Variants in TFCP2 observed in about 807,000 individuals in gnomAD.
The protein encoded by TFCP2 is alpha-globin transcription factor CP2.
In TFCP2, 33 loss-of-function variants were observed where a neutral mutation model predicts 73.4. The observed-to-expected ratio is 0.45, with a 90% CI of 0.34 to 0.60. The LOEUF (loss-of-function observed/expected upper bound fraction) is 0.60. TFCP2 is among the 20% of genes least tolerant of loss of function. The pLI is 0.01. For missense variants in TFCP2, 352 were observed against 604.0 expected (o/e 0.58, Z 4.37); for synonymous variants, 193 against 211.6 (o/e 0.91, Z 0.76).
At chr12:51,095,584 G>T (rs1024107229) in intron 14 of TFCP2, among the ~76,000 whole-genome samples, 3 of 152,214 alleles carry the variant, frequency 2.0e-5, no homozygotes, top group African/African-American at 7.2e-5. Context: ...GGAGGCCAAG[G>T]TGGGTGGATC....
At chr12:51,114,890 C>T (rs1940485874) in intron 4 of TFCP2, among the ~76,000 whole-genome samples, 1 of 151,278 alleles carries the variant, frequency 6.6e-6, no homozygotes, top group Non-Finnish European at 1.5e-5. Flanking sequence ...GGTGAAACCC[C>T]GTCTCTACCA....
chr12:51,127,982 C>G (rs552578170), intron 1 of TFCP2, among the ~76,000 whole-genome samples: 2 of 150,640 alleles, frequency 1.3e-5, no homozygotes, highest in Admixed American at 1.3e-4. Flanking sequence ...TGCAGTGGTG[C>G]GATCTCGGCT....
chr12:51,168,708 T>C (rs981954179), intron 1 of TFCP2, among the ~76,000 whole-genome samples: 5 of 152,206 alleles, frequency 3.3e-5, no homozygotes, highest in African/African-American at 1.2e-4. Context: ...TGATGAAAAC[T>C]CTTGAGCTCA....
At chr12:51,112,683 A>G (rs1190735752) in intron 4 of TFCP2, among the ~76,000 whole-genome samples, 1 of 152,142 alleles carries the variant, frequency 6.6e-6, no homozygotes, top group East Asian at 1.9e-4. Context: ...CCTGGCCAAC[A>G]TGGTGAAAAC....
chr12:51,103,653 G>C lies in TFCP2; in HGVS notation c.1060+17C>G. 2 of 1,606,618 alleles carry C rather than the reference G, an allele frequency of 1.2e-6. No homozygotes were observed. Among genetic ancestry groups the C allele is most frequent in the South Asian group, 2.2e-5 (2 of 90,004 alleles). The stretch of plus-strand genomic sequence containing the variant: ...AAATTTCATGCTAGGGAAAACAAAA[G>C]AAAAAGAAAATTTAACCTGAGAAGT... On this transcript the variant is annotated intron_variant, in intron 10 of 14. Transcript: ENST00000257915.
chr12:51,106,792 C>T, intron 7 of TFCP2, 179 bp from the exon 8 acceptor site: 1 of 588,404 alleles, frequency 1.7e-6, no homozygotes, highest in Non-Finnish European at 3.0e-6. Flanking sequence ...GGGAGGCCTG[C>T]TGAGAATAGG....
At chr12:51,140,445 C>CTT (rs768526922) in intron 1 of TFCP2, among the ~76,000 whole-genome samples, 1,512 of 88,026 alleles carry the variant, frequency 0.017, 83 homozygotes, top group Admixed American at 0.028. Context: ...TTTTCTTTTT[C>CTT]TTTTTTTTTT....
intron 1 of TFCP2, among the ~76,000 whole-genome samples, chr12:51,126,354 T>C (rs985499777): frequency 6.6e-6 from 1 of 152,000 alleles, no homozygotes; most frequent in Non-Finnish European, 1.5e-5. Context: ...CATGGAGGTA[T>C]AGCAGAAAGC....
At chr12:51,110,572 C>A (rs982137642) in intron 5 of TFCP2, among the ~76,000 whole-genome samples, 45 of 151,848 alleles carry the variant, frequency 3.0e-4, no homozygotes, top group Non-Finnish European at 4.7e-4. Flanking sequence ...CTGTCCCCCC[C>A]CAAAAAAATT....
At chr12:51,153,605 A>G (rs1941475881) in intron 1 of TFCP2, among the ~76,000 whole-genome samples, 1 of 152,114 alleles carries the variant, frequency 6.6e-6, no homozygotes, top group African/African-American at 2.4e-5. Flanking sequence ...ACATTCTATC[A>G]TTATGAATTT....
chr12:51,138,204 C>T (rs1393582096), intron 1 of TFCP2, among the ~76,000 whole-genome samples: 1 of 151,650 alleles, frequency 6.6e-6, no homozygotes, highest in African/African-American at 2.4e-5. Context: ...TGCAATGGCA[C>T]TATCTCGGCT....
chr12:51,133,281 C>T (rs935083712), intron 1 of TFCP2, among the ~76,000 whole-genome samples: 2 of 152,092 alleles, frequency 1.3e-5, no homozygotes, highest in Non-Finnish European at 2.9e-5. Flanking sequence ...CCTTTTACTA[C>T]ACTGCCAATA....
intron 11 of TFCP2, among the ~76,000 whole-genome samples, chr12:51,100,375 C>A (rs1592787492): frequency 6.6e-6 from 1 of 152,166 alleles, no homozygotes; most frequent in South Asian, 2.1e-4. Context: ...TTGATCTGAT[C>A]ATCTTACTCC....
intron 5 of TFCP2, 57 bp downstream of exon 5, chr12:51,110,820 A>T (rs1013233939): frequency 8.2e-7 from 1 of 1,219,940 alleles, no homozygotes; most frequent in African/African-American, 1.5e-5. Flanking sequence ...TTTAAGAAAT[A>T]AACTGATAGT....
intron 8 of TFCP2, 70 bp downstream of exon 8, chr12:51,106,455 G>C (rs1193467916): frequency 3.5e-6 from 4 of 1,149,896 alleles, no homozygotes; most frequent in Non-Finnish European, 5.0e-6. Flanking sequence ...AAAAGATCTT[G>C]TTTATGAACA....
intron 1 of TFCP2, among the ~76,000 whole-genome samples, chr12:51,155,078 A>G (rs12369066): frequency 0.088 from 13,444 of 152,180 alleles, 639 homozygotes; most frequent in Middle Eastern, 0.11. Flanking sequence ...GAGTAAAGGT[A>G]AATTCATTTT....
intron 5 of TFCP2, among the ~76,000 whole-genome samples, chr12:51,109,492 C>T (rs1301336149): frequency 6.6e-6 from 1 of 152,098 alleles, no homozygotes; most frequent in Non-Finnish European, 1.5e-5. Context: ...AGATCTAATG[C>T]TAACAAAAGC....
intron 1 of TFCP2, among the ~76,000 whole-genome samples, chr12:51,144,017 T>G (rs909082522): frequency 6.6e-6 from 1 of 152,112 alleles, no homozygotes; most frequent in African/African-American, 2.4e-5. Flanking sequence ...TAGATTCAAC[T>G]TGACAAGATG....
At chr12:51,166,152 T>C (rs905868084) in intron 1 of TFCP2, among the ~76,000 whole-genome samples, 3 of 151,756 alleles carry the variant, frequency 2.0e-5, no homozygotes, top group Admixed American at 2.0e-4. Flanking sequence ...CCGTCTCTAC[T>C]AAAAATACAA....
Sources: allele counts gnomAD v4.1 joint callset (sites outside exome capture counted in the v4.1 genomes callset), GRCh38; gene constraint gnomAD v4.1.1; transcripts MANE v1.5; gene names NCBI Gene and HGNC (gene_info 2026-07-23, HGNC 2026-07-21).